PLCG1: variants seen among roughly 807,000 people sequenced by gnomAD.
PLCG1 encodes phospholipase C gamma 1, also known as 1-phosphatidylinositol 4,5-bisphosphate phosphodiesterase gamma-1.
In PLCG1, 71 loss-of-function variants were observed where a neutral mutation model predicts 177.8. The ratio of observed to expected loss-of-function variants is 0.40; its 90% CI spans 0.33 to 0.49. The LOEUF is 0.49. PLCG1 is among the 20% of genes least tolerant of loss of function. The pLI is 0.72. For synonymous variants in PLCG1, 658 were observed against 647.9 expected, an observed-to-expected ratio of 1.02 and a Z score of -0.24; for missense variants, 1,281 against 1,709.0, an observed-to-expected ratio of 0.75 and a Z score of 4.42.
chr20:41,162,131 G>A (rs1396055364), intron 4 of PLCG1, among the ~76,000 whole-genome samples: 1 of 152,092 alleles, frequency 6.6e-6, no homozygotes, highest in African/African-American at 2.4e-5. Context: ...AGGAGGGGAG[G>A]CCTGGAGTGT....
chr20:41,155,143 C>T (rs978582499), intron 1 of PLCG1, among the ~76,000 whole-genome samples: 1 of 152,232 alleles, frequency 6.6e-6, no homozygotes, highest in Non-Finnish European at 1.5e-5. Flanking sequence ...GTCATATAAC[C>T]TTTTATTTTA....
Position 41,160,102 on chromosome 20 carries a change from C to T in PLCG1, c.465-4C>T, listed in dbSNP as rs780920914. The T allele has an allele frequency of 1.8e-5, 29 of 1,614,066 alleles. No individual in the cohort carries two copies. Among genetic ancestry groups the T allele is most frequent in the Non-Finnish European group, 2.2e-5 (26 of 1,179,930 alleles). On this transcript the variant is annotated splice_polypyrimidine_tract_variant and splice_region_variant and intron_variant, in intron 3 of 31. Coordinates refer to ENST00000685551, the MANE Select transcript of PLCG1 (RefSeq NM_002660.3). The surrounding 1 kb of genome is among the most constrained non-coding windows in gnomAD (Gnocchi z 5.5). The stretch of plus-strand genomic sequence containing the variant: ...TGGCCCTCACCTCAGGCTTCTCTCT[C>T]CAGGTGGCTCCGGAAGCAGTTTTAC...
chr20:41,169,054 G>C, intron 21 of PLCG1, 25 bp from the exon 22 acceptor site: 1 of 1,578,756 alleles, frequency 6.3e-7, no homozygotes, highest in Non-Finnish European at 8.7e-7. Flanking sequence ...GGTTGCTGGA[G>C]GTCAGCACCC....
At position 41,153,697 on chromosome 20, in the gene PLCG1, G is replaced by A. The variant is rs1266966175; in HGVS notation, c.218-5909G>A. On this transcript the variant is annotated intron_variant, in intron 1 of 31. Coordinates refer to ENST00000685551, the MANE Select transcript of PLCG1 (RefSeq NM_002660.3). This position sits in a 1 kb window ranked among gnomAD's most constrained non-coding sequence, Gnocchi z 5.1. ...GAATCACTGGAGGTCAGGAGTTTGA[G>A]AGCAGCTGGCCAACATGGTGAAACC... is the stretch of plus-strand genomic sequence containing the variant. 1.3e-5 allele frequency among the ~76,000 whole-genome samples: 2 copies of A among 152,186 alleles called. No homozygotes were observed. Among genetic ancestry groups the A allele is most frequent in the Non-Finnish European group, 2.9e-5 (2 of 68,028 alleles).
rs1038902751 is a variant in PLCG1 at position 41,167,986 on chromosome 20, C to T, written c.2379+57C>T. On this transcript the variant is annotated intron_variant, in intron 20 of 31. Transcript: ENST00000685551. The surrounding 1 kb of genome is among the most constrained non-coding windows in gnomAD (Gnocchi z 4.4). Reference sequence around the variant, plus strand: ...GGGGAGGGTCCCCAGCTGCTTGGGGCTTCATTTCTGTGTTCTGGGCCATCT... The same window carrying T: ...GGGGAGGGTCCCCAGCTGCTTGGGGTTTCATTTCTGTGTTCTGGGCCATCT... The T allele has an allele frequency of 8.4e-7, 1 of 1,189,334 alleles. No homozygotes were observed. The highest frequency in any genetic ancestry group is 1.5e-5 in the African/African-American group (1 of 66,842). 73.7% of individuals were successfully genotyped at this position (1,189,334 alleles called of 1,614,324 possible).
Position 41,172,534 on chromosome 20 carries a change from C to T in PLCG1, c.3019C>T (p.Gln1007Ter), listed in dbSNP as rs1200137424. 6.2e-7 allele frequency: 1 copy of T among 1,613,956 alleles called. No homozygotes were observed. Among genetic ancestry groups the T allele is most frequent in the African/African-American group, 1.3e-5 (1 of 74,932 alleles). The change falls in exon 26 of 32, where the codon CAG becomes TAG. Residue 1007 changes from glutamine (Q) to a stop codon, truncating the protein, a stop_gained. Coordinates refer to ENST00000685551, the MANE Select transcript of PLCG1 (RefSeq NM_002660.3). LOFTEE classifies it high-confidence loss of function. The surrounding 1 kb of genome is among the most constrained non-coding windows in gnomAD (Gnocchi z 7.0). ...GAAGTTCCTTCAGTACAATCGACTG[C>T]AGCTCTCCCGCATCTACCCCAAGGG... ...GKKFLQYNRL[Q>*]LSRIYPKGQR...
intron 1 of PLCG1, among the ~76,000 whole-genome samples, chr20:41,138,807 G>A (rs1313094975): frequency 2.0e-5 from 3 of 152,102 alleles, no homozygotes; most frequent in Admixed American, 6.5e-5. Context: ...GGGAGTTGGG[G>A]GATTTTGAAA....
At chr20:41,171,280 A>G (rs545557858) in intron 24 of PLCG1, among the ~76,000 whole-genome samples, 1 of 152,202 alleles carries the variant, frequency 6.6e-6, no homozygotes, top group African/African-American at 2.4e-5. Flanking sequence ...TGAAAAGGGA[A>G]GAGTCTGAAT....
In PLCG1 at chr20:41,163,191, C is replaced by T. The variant is rs1261293006; in HGVS notation, c.717-12C>T. 6.5e-7 allele frequency: 1 copy of T among 1,544,860 alleles called. No individual in the cohort carries two copies. The highest frequency in any genetic ancestry group is 8.7e-7 in the Non-Finnish European group (1 of 1,147,888). ...TTGACCATACTAGCTAGCTTACCTT[C>T]TCTCCCTGCAGGGCTGGGGAGCGGC... On this transcript the variant is annotated splice_polypyrimidine_tract_variant and intron_variant, in intron 7 of 31. Transcript: ENST00000685551. This position sits in a 1 kb window ranked among gnomAD's most constrained non-coding sequence, Gnocchi z 5.2.
At chr20:41,142,980 G>T (rs2034877766) in intron 1 of PLCG1, among the ~76,000 whole-genome samples, 1 of 152,176 alleles carries the variant, frequency 6.6e-6, no homozygotes, top group Non-Finnish European at 1.5e-5. Context: ...TGATTCAGAG[G>T]CAAGGAGGCC....
rs753779574 is a variant in PLCG1, at chr20:41,157,419, G to A, written c.218-2187G>A. 6.6e-4 allele frequency among the ~76,000 whole-genome samples: 101 copies of A among 152,222 alleles called. No individual in the cohort carries two copies. The highest frequency in any genetic ancestry group is 9.0e-4 in the Non-Finnish European group (61 of 68,002). ...CTGTCATTGGAAGCCCTGTGTTCTC[G>A]GTTAGGTCTTTTATGGCCCAGTTCT... On this transcript the variant is annotated intron_variant, in intron 1 of 31. Coordinates refer to ENST00000685551, the MANE Select transcript of PLCG1 (RefSeq NM_002660.3). This position sits in a 1 kb window ranked among gnomAD's most constrained non-coding sequence, Gnocchi z 5.4.
chr20:41,148,024 G>A lies in PLCG1; in HGVS notation c.217+10166G>A, dbSNP rs1351935481. On this transcript the variant is annotated intron_variant, in intron 1 of 31. Transcript: ENST00000685551. The surrounding 1 kb of genome is among the most constrained non-coding windows in gnomAD (Gnocchi z 4.3). ...TGGGCTGGCATGGCGCAAAGGGAGTGCAGCCAGATGCTGTGGCGGCTGGGT... is the reference window on the plus strand; with the variant it reads ...TGGGCTGGCATGGCGCAAAGGGAGTACAGCCAGATGCTGTGGCGGCTGGGT... Among the ~76,000 whole-genome samples the A allele has an allele frequency of 2.0e-5, 3 of 152,144 alleles. No individual in the cohort carries two copies. Among genetic ancestry groups the A allele is most frequent in the Non-Finnish European group, 4.4e-5 (3 of 68,022 alleles).
chr20:41,174,449 C>T lies in PLCG1; in HGVS notation c.3834-18C>T. ...AAGGCCCTGCCTGCCAGTAAGGACA[C>T]TCTTCCCTTCTGTCCAGGGCCCCAA... On this transcript the variant is annotated intron_variant, in intron 31 of 31. Coordinates refer to ENST00000685551, the MANE Select transcript of PLCG1 (RefSeq NM_002660.3). This position sits in a 1 kb window ranked among gnomAD's most constrained non-coding sequence, Gnocchi z 5.8. 1.3e-6 allele frequency: 2 copies of T among 1,591,420 alleles called. No individual in the cohort carries two copies. The highest frequency in any genetic ancestry group is 2.3e-5 in the East Asian group (1 of 43,970).
rs995343018 is a variant in PLCG1, at chr20:41,144,307, T to C, written c.217+6449T>C. 6.6e-6 allele frequency among the ~76,000 whole-genome samples: 1 copy of C among 152,244 alleles called. No individual in the cohort carries two copies. The highest frequency in any genetic ancestry group is 1.5e-5 in the Non-Finnish European group (1 of 68,046). ...TCTCCCATTCTGGGGAAAATGATAA[T>C]AGGATGGACCGTTCTATAGGAACAG... On this transcript the variant is annotated intron_variant, in intron 1 of 31. Transcript: ENST00000685551. This position sits in a 1 kb window ranked among gnomAD's most constrained non-coding sequence, Gnocchi z 4.1.
chr20:41,163,148 G>A lies in PLCG1; in HGVS notation c.717-55G>A. 6.5e-7 allele frequency: 1 copy of A among 1,531,340 alleles called. No individual in the cohort carries two copies. The highest frequency in any genetic ancestry group is 8.9e-7 in the Non-Finnish European group (1 of 1,124,154). 94.9% of individuals were successfully genotyped at this position (1,531,340 alleles called of 1,614,324 possible). A position where few individuals can be genotyped will look rare whatever the true frequency, so the allele number is the denominator to read the frequency against. ...CTGGGAGTTGGGTTCTGCCTTCCGT[G>A]GGGCACCTTGTTGTCTGTTGACCAT... is the stretch of plus-strand genomic sequence containing the variant. On this transcript the variant is annotated intron_variant, in intron 7 of 31. Transcript: ENST00000685551. The surrounding 1 kb of genome is among the most constrained non-coding windows in gnomAD (Gnocchi z 5.2).
At chr20:41,168,983 C>T (rs1283020925) in intron 21 of PLCG1, 96 bp from the exon 22 acceptor site, 1 of 1,186,670 alleles carries the variant, frequency 8.4e-7, no homozygotes. Context: ...GTGCCTGCCT[C>T]ACCCTGGCTT....
Position 41,165,461 on chromosome 20 carries a change from C to T in PLCG1, c.1521C>T (p.Pro507=), listed in dbSNP as rs1476556767. Residue 507 remains proline, a synonymous_variant, in exon 15 of 32, where the codon CCC becomes CCT. Transcript: ENST00000685551. This position sits in a 1 kb window ranked among gnomAD's most constrained non-coding sequence, Gnocchi z 6.6. ...LEDPVNHEWY[P]HYFVLTSSKI... The stretch of plus-strand genomic sequence containing the variant: ...TTGGTCTGTTCCAGGAATGGTATCC[C>T]CACTACTTTGTTCTGACCAGCAGCA... 1 of 1,614,042 alleles carries T rather than the reference C, an allele frequency of 6.2e-7. No homozygotes were observed. Among genetic ancestry groups the T allele is most frequent in the Non-Finnish European group, 8.5e-7 (1 of 1,179,936 alleles).
Position 41,168,833 on chromosome 20 carries a change from G to A in PLCG1, c.2446G>A (p.Ala816Thr), listed in dbSNP as rs202246756. The part of the protein sequence containing the change: ...REDELTFIKS[A>T]IIQNVEKQEG... Reference sequence around the variant, plus strand: ...GGACGAGCTGACCTTCATCAAGAGCGCCATCATCCAGAATGTGGAGAAGCA... The same window carrying A: ...GGACGAGCTGACCTTCATCAAGAGCACCATCATCCAGAATGTGGAGAAGCA... Residue 816 changes from alanine to threonine, a missense_variant, in exon 21 of 32, where the codon GCC (alanine) becomes ACC (threonine). Transcript: ENST00000685551. 21 of 1,612,062 alleles carry A rather than the reference G, an allele frequency of 1.3e-5. No homozygotes were observed. Among genetic ancestry groups the A allele is most frequent in the Admixed American group, 1.7e-5 (1 of 59,988 alleles).
rs2035737291 is a variant in PLCG1, at chr20:41,167,436, G to A, written c.2302-416G>A. On this transcript the variant is annotated intron_variant, in intron 19 of 31. Coordinates refer to ENST00000685551, the MANE Select transcript of PLCG1 (RefSeq NM_002660.3). The surrounding 1 kb of genome is among the most constrained non-coding windows in gnomAD (Gnocchi z 4.4). ...GAGGCCTGTTGTCCACTGGCACCTG[G>A]GACTCAAGTGATGGAGAGGAGCGGC... Among the ~76,000 whole-genome samples the A allele has an allele frequency of 6.6e-6, 1 of 152,140 alleles. No individual in the cohort carries two copies. The highest frequency in any genetic ancestry group is 6.5e-5 in the Admixed American group (1 of 15,278).
Sources: gnomAD v4.1 joint callset for allele counts (sites outside exome capture counted in the v4.1 genomes callset) on GRCh38, gnomAD v4.1.1 for gene constraint, Gnocchi (gnomAD v3.1) non-coding constraint, MANE v1.5 for transcripts, NCBI Gene and HGNC (gene_info 2026-07-23, HGNC 2026-07-21) for gene names.